Variants in KLF13 observed in about 807,000 individuals in gnomAD.
KLF13 encodes the protein KLF transcription factor 13.
KLF13 carries 8 observed loss-of-function variants against 16.7 expected under a neutral mutation model. That is an observed-to-expected ratio of 0.48 (90% CI 0.28 to 0.87). The LOEUF (loss-of-function observed/expected upper bound fraction) is 0.87, where lower values mean the gene tolerates loss of function less well. Ranked by LOEUF, KLF13 falls within the 40% of genes least tolerant of loss-of-function variation. The pLI, the probability that KLF13 is intolerant of heterozygous loss-of-function variation, is 0.10. For synonymous variants in KLF13, 245 were observed against 208.4 expected, an observed-to-expected ratio of 1.18 and a Z score of -1.51; for missense variants, 447 against 452.2, an observed-to-expected ratio of 0.99 and a Z score of 0.10.
At position 31,372,284 on chromosome 15, in the gene KLF13, G is replaced by T; in HGVS notation, c.852G>T (p.Pro284=). The T allele has an allele frequency of 2.0e-6, 3 of 1,480,782 alleles. No homozygotes were observed. Among genetic ancestry groups the T allele is most frequent in the Non-Finnish European group, 1.8e-6 (2 of 1,119,046 alleles). 91.7% of individuals were successfully genotyped at this position (1,480,782 alleles called of 1,614,324 possible). Residue 284 remains proline (P), a synonymous_variant, in exon 2 of 2, where the codon CCG becomes CCT. Coordinates refer to ENST00000307145, the MANE Select transcript of KLF13 (RefSeq NM_015995.4). ...ACGCCAGCAGCCCCACCATCAGCCC[G>T]GCCAGCTCGCCCTGAGCCCGCCACA... ...RSDASSPTIS[P]ASSP
intron 1 of KLF13, among the ~76,000 whole-genome samples, chr15:31,367,139 G>A (rs1003565031): frequency 2.0e-5 from 3 of 152,196 alleles, no homozygotes; most frequent in African/African-American, 7.2e-5. Flanking sequence ...GCCTCCACCC[G>A]TTCTCCCTTC....
chr15:31,392,557 GC>G (rs1343974506), upstream of KLF13, among the ~76,000 whole-genome samples: 1 of 152,176 alleles, frequency 6.6e-6, no homozygotes, highest in Non-Finnish European at 1.5e-5. Flanking sequence ...CGACTGTCCC[GC>G]CCCTGAAGGG....
intron 1 of KLF13, chr15:31,420,479 T>C (rs1000278061): frequency 4.1e-6 from 3 of 738,916 alleles, no homozygotes; most frequent in Non-Finnish European, 7.2e-6. Flanking sequence ...CCTGGATATC[T>C]GGAAAGACAA....
downstream of KLF13, chr15:31,404,741 C>T (rs773511662): frequency 6.6e-6 from 1 of 152,274 alleles, no homozygotes; most frequent in Non-Finnish European, 1.5e-5. Context: ...CTCTTTGGGT[C>T]CGTGCCACCT....
intron 1 of KLF13, among the ~76,000 whole-genome samples, chr15:31,336,599 C>G (rs1251982534): frequency 1.3e-5 from 2 of 152,088 alleles, no homozygotes; most frequent in African/African-American, 4.8e-5. Flanking sequence ...ATACAGGGAA[C>G]TTGGTTTAGG....
At chr15:31,404,992 T>G (rs571005570), downstream of KLF13, among the ~76,000 whole-genome samples, 7 of 152,248 alleles carry the variant, frequency 4.6e-5, no homozygotes, top group Non-Finnish European at 7.4e-5. Flanking sequence ...GAGTACTGTT[T>G]TGTAGTAGGA....
At chr15:31,370,425 C>CTTTTTTTTTTTT (rs58293460) in intron 1 of KLF13, among the ~76,000 whole-genome samples, 1 of 145,146 alleles carries the variant, frequency 6.9e-6, no homozygotes, top group African/African-American at 2.5e-5. Flanking sequence ...GTTGTTTTTG[C>CTTTTTTTTTTTT]TTTTTTTTTT....
At position 31,372,265 on chromosome 15, in the gene KLF13, G is replaced by GCAGCCCCACCAT. The variant is rs1437033705; in HGVS notation, c.840_851dup (p.Thr281_Pro284dup). ...AGCGACTACAGCCGCTCCGACGCCA[G>GCAGCCCCACCAT]CAGCCCCACCATCAGCCCGGCCAGC... On this transcript the variant is annotated inframe_insertion, in exon 2 of 2. Coordinates refer to ENST00000307145, the MANE Select transcript of KLF13 (RefSeq NM_015995.4). 6.6e-7 allele frequency: 1 copy of GCAGCCCCACCAT among 1,526,046 alleles called. No individual in the cohort carries two copies. Among genetic ancestry groups the GCAGCCCCACCAT allele is most frequent in the Non-Finnish European group, 8.8e-7 (1 of 1,141,362 alleles). The allele number at this position is 1,526,046 out of a possible 1,614,324, so 94.5% of individuals were successfully genotyped here.
downstream of KLF13, among the ~76,000 whole-genome samples, chr15:31,406,828 T>C (rs1223130647): frequency 6.6e-6 from 1 of 152,174 alleles, no homozygotes; most frequent in African/African-American, 2.4e-5. Flanking sequence ...TGACTCTGAC[T>C]CCTGCCTCCC....
At chr15:31,416,102 T>C (rs932938710) in intron 1 of KLF13, among the ~76,000 whole-genome samples, 1 of 152,096 alleles carries the variant, frequency 6.6e-6, no homozygotes, top group East Asian at 1.9e-4. Flanking sequence ...TCTAGAAAGA[T>C]ACAAACTACC....
intron 1 of KLF13, among the ~76,000 whole-genome samples, chr15:31,344,450 A>G (rs544270693): frequency 1.7e-5 from 2 of 118,416 alleles, no homozygotes; most frequent in South Asian, 2.8e-4. Context: ...AGCCACCCAG[A>G]CATTTGCCAA....
downstream of KLF13, among the ~76,000 whole-genome samples, chr15:31,382,814 C>T (rs1007994411): frequency 1.3e-5 from 2 of 152,214 alleles, no homozygotes; most frequent in African/African-American, 4.8e-5. Context: ...CTAGGTACCG[C>T]GTCCACTCAC....
At chr15:31,331,734 A>G (rs1453779925) in intron 1 of KLF13, among the ~76,000 whole-genome samples, 2 of 152,164 alleles carry the variant, frequency 1.3e-5, no homozygotes, top group African/African-American at 2.4e-5. Flanking sequence ...TCCTCAAACA[A>G]TGCAGAAATG....
intron 1 of KLF13, among the ~76,000 whole-genome samples, chr15:31,413,587 A>T (rs2040222215): frequency 6.6e-6 from 1 of 152,126 alleles, no homozygotes. Context: ...CAAAGAAAAA[A>T]ATCATCAAGG....
intron 1 of KLF13, among the ~76,000 whole-genome samples, chr15:31,433,820 G>A (rs1028578707): frequency 6.6e-6 from 1 of 152,166 alleles, no homozygotes; most frequent in Non-Finnish European, 1.5e-5. Context: ...TCAGTCCCAC[G>A]CCAGTCCCTG....
chr15:31,412,260 AG>A (rs1436743235), intron 1 of KLF13, among the ~76,000 whole-genome samples: 1 of 152,218 alleles, frequency 6.6e-6, no homozygotes, highest in Non-Finnish European at 1.5e-5. Flanking sequence ...CCTTGATCTT[AG>A]ACTTTCTAAT....
At chr15:31,418,090 G>A (rs568473011) in intron 1 of KLF13, among the ~76,000 whole-genome samples, 1 of 152,066 alleles carries the variant, frequency 6.6e-6, no homozygotes, top group Non-Finnish European at 1.5e-5. Context: ...TAGAGCCTAT[G>A]ACAGAGCTTT....
At chr15:31,363,278 A>G (rs2039416958) in intron 1 of KLF13, among the ~76,000 whole-genome samples, 1 of 152,154 alleles carries the variant, frequency 6.6e-6, no homozygotes, top group African/African-American at 2.4e-5. Context: ...AGCCATTTGT[A>G]GTTCCTTTTT....
chr15:31,404,333 G>A (rs1445653609), exon 3 of KLF13: 2 of 152,322 alleles, frequency 1.3e-5, no homozygotes, highest in Non-Finnish European at 2.9e-5. Context: ...GAGTGGTGAA[G>A]TCAGCTGGAC....
Sources: gnomAD v4.1 joint callset for allele counts (sites outside exome capture counted in the v4.1 genomes callset) on GRCh38, gnomAD v4.1.1 for gene constraint, MANE v1.5 for transcripts, NCBI Gene and HGNC (gene_info 2026-07-23, HGNC 2026-07-21) for gene names.